NLK: variants seen among roughly 807,000 people sequenced by gnomAD.
NLK encodes the protein nemo like kinase.
In NLK, 11 loss-of-function variants were observed where a neutral mutation model predicts 59.0. The observed-to-expected ratio is 0.19, with a 90% CI of 0.12 to 0.31. The LOEUF (loss-of-function observed/expected upper bound fraction) is 0.31. NLK is among the 10% of genes least tolerant of loss of function. NLK has a pLI of 1.00. For missense variants in NLK, 410 were observed against 661.1 expected, an observed-to-expected ratio of 0.62 and a Z score of 4.16; for synonymous variants, 235 against 235.9, an observed-to-expected ratio of 1.00 and a Z score of 0.03.
At chr17:28,192,246 T>C in intron 10 of NLK, 33 bp downstream of exon 10, 1 of 1,183,244 alleles carries the variant, frequency 8.5e-7, no homozygotes, top group Non-Finnish European at 1.2e-6. Context: ...ACATTCTTGT[T>C]AGAATTAAAA....
At chr17:28,076,231 G>A (rs1352268885) in intron 1 of NLK, among the ~76,000 whole-genome samples, 1 of 152,134 alleles carries the variant, frequency 6.6e-6, no homozygotes, top group African/African-American at 2.4e-5. Context: ...CAAAGACTAG[G>A]TAGCTTATAA....
intron 1 of NLK, among the ~76,000 whole-genome samples, chr17:28,061,063 A>G (rs1909616116): frequency 6.6e-6 from 1 of 152,146 alleles, no homozygotes; most frequent in South Asian, 2.1e-4. Context: ...TGGCTCTGAC[A>G]CCCAGGCTGG....
At chr17:28,132,856 A>G in intron 3 of NLK, among the ~76,000 whole-genome samples, 181 bp downstream of exon 3, 1 of 152,228 alleles carries the variant, frequency 6.6e-6, no homozygotes, top group South Asian at 2.1e-4. Context: ...TATTATCAAC[A>G]TATCCTGTGT....
intron 1 of NLK, among the ~76,000 whole-genome samples, chr17:28,051,505 C>T (rs965270035): frequency 6.6e-6 from 1 of 151,690 alleles, no homozygotes; most frequent in African/African-American, 2.4e-5. Flanking sequence ...ATTACAGGCA[C>T]GTGGCACCAC....
At chr17:28,099,660 G>T (rs530850634) in intron 1 of NLK, among the ~76,000 whole-genome samples, 46 of 145,426 alleles carry the variant, frequency 3.2e-4, no homozygotes, top group Non-Finnish European at 6.1e-4. Context: ...CTCACTGCAA[G>T]CTCCGCTTCC....
At position 28,093,451 on chromosome 17, in the gene NLK, A is replaced by C. The variant is rs574867964; in HGVS notation, c.459-29152A>C. ...TACATATTCCCCTTACTCCATAGGCATTCCAAGAGGAGTAATTTATAATAA... is the reference window on the plus strand; with the variant it reads ...TACATATTCCCCTTACTCCATAGGCCTTCCAAGAGGAGTAATTTATAATAA... On this transcript the variant is annotated intron_variant, in intron 1 of 10. Transcript: ENST00000407008. Among the ~76,000 whole-genome samples, 4 of 152,280 alleles carry C rather than the reference A, an allele frequency of 2.6e-5. No individual in the cohort carries two copies. In the South Asian group the frequency reaches 8.3e-4, roughly 32 times the overall value.
chr17:28,060,853 TTGAA>T lies in NLK; in HGVS notation c.458+17525_458+17528del, dbSNP rs1909609201. Among the ~76,000 whole-genome samples the T allele has an allele frequency of 2.0e-5, 3 of 152,184 alleles. No homozygotes were observed. The South Asian group carries it at 6.2e-4, about 31-fold the overall frequency. On this transcript the variant is annotated intron_variant, in intron 1 of 10. Coordinates refer to ENST00000407008, the MANE Select transcript of NLK (RefSeq NM_016231.5). ...TTGATTGGAGAGCAGTTTCGCAAAATTGAATGCACACGCTCTTTGGAGCAATCAT... is the reference window on the plus strand; with the variant it reads ...TTGATTGGAGAGCAGTTTCGCAAAATTGCACACGCTCTTTGGAGCAATCAT...
chr17:28,107,642 T>G (rs1259781147), intron 1 of NLK, among the ~76,000 whole-genome samples: 2 of 152,106 alleles, frequency 1.3e-5, no homozygotes, highest in Non-Finnish European at 2.9e-5. Flanking sequence ...ATTCAACAAT[T>G]AAAAATAATA....
chr17:28,108,220 T>C (rs2142799131), intron 1 of NLK, among the ~76,000 whole-genome samples: 1 of 152,174 alleles, frequency 6.6e-6, no homozygotes. Context: ...GGATACTCTG[T>C]CTTAAAAAAA....
chr17:28,062,266 C>T (rs1909687619), intron 1 of NLK, among the ~76,000 whole-genome samples: 1 of 152,116 alleles, frequency 6.6e-6, no homozygotes, highest in Admixed American at 6.6e-5. Flanking sequence ...ACTTTTATTG[C>T]CCTCATGATC....
At chr17:28,111,886 GTGTGTGTGTGGTGTGTGTGT>G (rs1246580845) in intron 1 of NLK, among the ~76,000 whole-genome samples, 87 of 127,602 alleles carry the variant, frequency 6.8e-4, no homozygotes, top group African/African-American at 2.6e-3. Flanking sequence ...GTGTGTGTGT[GTGTGTGTGTGGTGTGTGTGT>G]GTGTGTGTGT....
intron 1 of NLK, among the ~76,000 whole-genome samples, chr17:28,106,406 G>T (rs1265439493): frequency 6.6e-6 from 1 of 151,994 alleles, no homozygotes; most frequent in East Asian, 1.9e-4. Flanking sequence ...CTTCTTATAT[G>T]CTAACAGATG....
intron 1 of NLK, among the ~76,000 whole-genome samples, chr17:28,092,071 T>A (rs1204793492): frequency 1.3e-5 from 2 of 152,242 alleles, no homozygotes; most frequent in Non-Finnish European, 2.9e-5. Context: ...TTAAATGTGC[T>A]GCCAAAGGGC....
chr17:28,104,829 G>A (rs1281211190), intron 1 of NLK, among the ~76,000 whole-genome samples: 2 of 152,144 alleles, frequency 1.3e-5, no homozygotes, highest in African/African-American at 4.8e-5. Context: ...TTTCACCCCT[G>A]GGGTGGTATT....
chr17:28,078,849 A>C (rs1161302513), intron 1 of NLK, among the ~76,000 whole-genome samples: 2 of 152,186 alleles, frequency 1.3e-5, no homozygotes, highest in Non-Finnish European at 2.9e-5. Context: ...AAAAGACCTT[A>C]GCCTCCCTTC....
chr17:28,090,639 G>A (rs960310486), intron 1 of NLK, among the ~76,000 whole-genome samples: 8 of 151,968 alleles, frequency 5.3e-5, no homozygotes, highest in South Asian at 2.1e-4. Flanking sequence ...TGGGAGGATC[G>A]CTTGAGGCCA....
intron 3 of NLK, among the ~76,000 whole-genome samples, chr17:28,157,710 T>G (rs1026036613): frequency 1.1e-4 from 16 of 152,226 alleles, no homozygotes; most frequent in Non-Finnish European, 2.2e-4. Flanking sequence ...TGAAGCAATT[T>G]TAGACATGAT....
chr17:28,046,268 A>T (rs1375311052), intron 1 of NLK, among the ~76,000 whole-genome samples: 1 of 152,228 alleles, frequency 6.6e-6, no homozygotes, highest in Non-Finnish European at 1.5e-5. Flanking sequence ...ACTTATCAGT[A>T]TTGGACAGTT....
intron 1 of NLK, among the ~76,000 whole-genome samples, chr17:28,058,555 G>C (rs1811628565): frequency 6.6e-6 from 1 of 152,172 alleles, no homozygotes; most frequent in Admixed American, 6.5e-5. Context: ...TCAGAGCCTA[G>C]CCTGGTCCCA....
Sources: allele counts gnomAD v4.1 joint callset (sites outside exome capture counted in the v4.1 genomes callset), GRCh38; gene constraint gnomAD v4.1.1; transcripts MANE v1.5; gene names NCBI Gene and HGNC (gene_info 2026-07-23, HGNC 2026-07-21).